TMEM181: variants seen among roughly 807,000 people sequenced by gnomAD.
TMEM181 encodes the protein G protein-coupled receptor 178.
A neutral mutation model predicts 71.9 loss-of-function variants in TMEM181; 39 were observed. The observed-to-expected ratio is 0.54, with a 90% CI of 0.42 to 0.71. The LOEUF (loss-of-function observed/expected upper bound fraction) is 0.71, where lower values mean the gene tolerates loss of function less well. Among genes scored for constraint, TMEM181 ranks in the 30% least tolerant of loss-of-function variants. The probability of loss-of-function intolerance (pLI) is 0.00; values close to 1 mark genes in which losing one functional copy is unlikely to be tolerated. For missense variants in TMEM181, 595 were observed against 583.0 expected (o/e 1.02, Z -0.21); for synonymous variants, 245 against 228.8 (o/e 1.07, Z -0.64).
At chr6:158,589,511 A>G in intron 5 of TMEM181, 161 bp from the exon 6 acceptor site, 1 of 602,806 alleles carries the variant, frequency 1.7e-6, no homozygotes, top group Non-Finnish European at 3.0e-6. Context: ...CTTTCTAGGA[A>G]CTGTGTTTGG....
chr6:158,627,219 C>T (rs1185584542), intron 13 of TMEM181, among the ~76,000 whole-genome samples: 1 of 152,192 alleles, frequency 6.6e-6, no homozygotes, highest in Admixed American at 6.5e-5. Flanking sequence ...CACCCTCACC[C>T]TCAAATTACC....
Position 158,634,228 on chromosome 6 carries a change from G to A in TMEM181, c.*2340G>A, listed in dbSNP as rs1136284. 1 of 151,982 alleles carries A rather than the reference G, an allele frequency of 6.6e-6. No individual in the cohort carries two copies. Among genetic ancestry groups the A allele is most frequent in the Non-Finnish European group, 1.5e-5 (1 of 68,012 alleles). 9.4% of individuals were successfully genotyped at this position (151,982 alleles called of 1,614,324 possible). A position where few individuals can be genotyped will look rare whatever the true frequency, so the allele number is the denominator to read the frequency against. ...ATGTATTTTCAACTTGTCTTCCCTG[G>A]TATATCATAAATACCGACATATTAC... On this transcript the variant is annotated 3_prime_UTR_variant, in exon 17 of 17. Transcript: ENST00000684151.
In TMEM181 at chr6:158,580,928, G is replaced by C. The variant is rs372684834; in HGVS notation, c.113-12G>C. On this transcript the variant is annotated splice_polypyrimidine_tract_variant and intron_variant, in intron 2 of 16. Coordinates refer to ENST00000684151, the MANE Select transcript of TMEM181 (RefSeq NM_001376852.1). ...CTATAATCTGCTTTTGTCCTTTTCTGTTACACTTTAGGACCTAAAGTGATC... is the reference window on the plus strand; with the variant it reads ...CTATAATCTGCTTTTGTCCTTTTCTCTTACACTTTAGGACCTAAAGTGATC... 1.9e-6 allele frequency: 3 copies of C among 1,588,422 alleles called. No individual in the cohort carries two copies. The highest frequency in any genetic ancestry group is 1.7e-6 in the Non-Finnish European group (2 of 1,159,922).
At chr6:158,604,433 C>T (rs1784836882) in intron 6 of TMEM181, among the ~76,000 whole-genome samples, 2 of 152,172 alleles carry the variant, frequency 1.3e-5, no homozygotes, top group African/African-American at 2.4e-5. Context: ...TAATTCAATG[C>T]ATCAGAATGA....
intron 1 of TMEM181, among the ~76,000 whole-genome samples, chr6:158,544,182 A>AGAGAGAGAGTGTGTGTGTGTGTGTGT (rs149735409): frequency 0.032 from 4,090 of 127,478 alleles, 94 homozygotes; most frequent in Non-Finnish European, 0.05. Context: ...AATTGGAGAG[A>AGAGAGAGAGTGTGTGTGTGTGTGTGT]GTGTGTGTGT....
At chr6:158,603,520 G>T (rs192790256) in intron 6 of TMEM181, among the ~76,000 whole-genome samples, 501 of 152,072 alleles carry the variant, frequency 3.3e-3, no homozygotes, top group African/African-American at 0.011. Context: ...TCTGTGGCCT[G>T]GGGACCCCTG....
At chr6:158,625,456 C>T (rs1786221358) in intron 12 of TMEM181, among the ~76,000 whole-genome samples, 1 of 152,102 alleles carries the variant, frequency 6.6e-6, no homozygotes, top group African/African-American at 2.4e-5. Context: ...GGGCGAGTCA[C>T]CCTGAGCTTG....
At chr6:158,628,915 G>A (rs764633812) in intron 14 of TMEM181, among the ~76,000 whole-genome samples, 12 of 152,208 alleles carry the variant, frequency 7.9e-5, no homozygotes, top group Non-Finnish European at 1.6e-4. Context: ...GAGGGCTGCC[G>A]TGAGCCTCCT....
intron 10 of TMEM181, among the ~76,000 whole-genome samples, chr6:158,615,955 T>C (rs964850287): frequency 6.6e-6 from 1 of 152,252 alleles, no homozygotes; most frequent in African/African-American, 2.4e-5. Flanking sequence ...TAGGATTGTC[T>C]TGGCAATGTG....
chr6:158,567,905 G>A (rs761447348), intron 1 of TMEM181, among the ~76,000 whole-genome samples: 2 of 152,142 alleles, frequency 1.3e-5, no homozygotes, highest in Non-Finnish European at 2.9e-5. Flanking sequence ...GAAGGATCTC[G>A]GGGACTTTGA....
chr6:158,572,865 T>C (rs1782943445), intron 1 of TMEM181, among the ~76,000 whole-genome samples: 1 of 150,096 alleles, frequency 6.7e-6, no homozygotes, highest in Admixed American at 6.7e-5. Flanking sequence ...CTTGTGGGAA[T>C]GGCAGAGGGA....
intron 2 of TMEM181, among the ~76,000 whole-genome samples, chr6:158,573,949 CG>C (rs889501399): frequency 6.6e-6 from 1 of 151,290 alleles, no homozygotes; most frequent in Non-Finnish European, 1.5e-5. Context: ...GAGCATGGGG[CG>C]GGGTGGCTGT....
intron 3 of TMEM181, 26 bp downstream of exon 3, chr6:158,581,021 G>T (rs1236514821): frequency 2.5e-6 from 4 of 1,597,684 alleles, no homozygotes; most frequent in South Asian, 1.1e-5. Context: ...AGTGGCAGCT[G>T]GGTGGTGGGG....
chr6:158,630,010 C>T (rs1046234503), intron 15 of TMEM181, among the ~76,000 whole-genome samples, 191 bp downstream of exon 15: 2 of 152,118 alleles, frequency 1.3e-5, no homozygotes, highest in African/African-American at 4.8e-5. Flanking sequence ...GTAGAACCTG[C>T]GTTGTGTCAT....
chr6:158,625,281 T>G, intron 12 of TMEM181, 75 bp downstream of exon 12: 2 of 1,346,116 alleles, frequency 1.5e-6, no homozygotes. Context: ...GGTTGGAGTC[T>G]CCCAAGCCAG....
At chr6:158,609,046 C>T (rs543818464) in intron 10 of TMEM181, among the ~76,000 whole-genome samples, 4 of 150,766 alleles carry the variant, frequency 2.7e-5, no homozygotes, top group South Asian at 2.1e-4. Flanking sequence ...TGCAATGAGC[C>T]GAGATTGCAC....
intron 10 of TMEM181, chr6:158,609,967 C>A: frequency 4.4e-6 from 1 of 225,418 alleles, no homozygotes; most frequent in Non-Finnish European, 9.5e-6. Context: ...GGCCCACCGA[C>A]GTTGGGAAAG....
Position 158,605,444 on chromosome 6 carries a change from A to C in TMEM181, c.573+97A>C. The C allele has an allele frequency of 1.1e-5, 12 of 1,115,610 alleles. No homozygotes were observed. In the South Asian group the frequency reaches 1.4e-4, roughly 13 times the overall value. 69.1% of individuals were successfully genotyped at this position (1,115,610 alleles called of 1,614,324 possible). The stretch of plus-strand genomic sequence containing the variant: ...TTCGGTGCAAGCCACATGGAGATTG[A>C]TCTGAACTCAGATGCTCCATCCAGT... On this transcript the variant is annotated intron_variant, in intron 7 of 16. Transcript: ENST00000684151.
At chr6:158,615,484 T>G (rs1785563312) in intron 10 of TMEM181, among the ~76,000 whole-genome samples, 1 of 152,258 alleles carries the variant, frequency 6.6e-6, no homozygotes, top group Admixed American at 6.5e-5. Context: ...AGCTCTTTAG[T>G]TTAATTAGAT....
Sources: gnomAD v4.1 joint callset for allele counts (sites outside exome capture counted in the v4.1 genomes callset) on GRCh38, gnomAD v4.1.1 for gene constraint, MANE v1.5 for transcripts, NCBI Gene and HGNC (gene_info 2026-07-23, HGNC 2026-07-21) for gene names.